KLRG1: variants seen among roughly 807,000 people sequenced by gnomAD.
KLRG1 encodes the protein killer cell lectin like receptor G1, also known as killer cell lectin-like receptor subfamily G member 1.
Under a neutral mutation model 21.8 loss-of-function variants are expected in KLRG1, and 16 were observed. That is an observed-to-expected ratio of 0.73 (90% confidence interval 0.50 to 1.11). The LOEUF is 1.11. Among genes scored for constraint, KLRG1 ranks in the 50% most tolerant of loss-of-function variants. The pLI is 0.00. For missense variants in KLRG1, 173 were observed against 218.3 expected, an observed-to-expected ratio of 0.79 and a Z score of 1.31; for synonymous variants, 69 against 75.9, an observed-to-expected ratio of 0.91 and a Z score of 0.47.
At chr12:9,184,423 C>T in the KLRG1 span, among the ~76,000 whole-genome samples, 57 of 152,362 alleles carry the variant, frequency 3.7e-4, no homozygotes, top group East Asian at 7.9e-3. Context: ...CTAACACCAC[C>T]GTCAGTGCAA....
Position 8,992,194 on chromosome 12 carries a change from C to A in KLRG1, c.83-12C>A. 1 of 1,601,006 alleles carries A rather than the reference C, an allele frequency of 6.2e-7. No individual in the cohort carries two copies. The highest frequency in any genetic ancestry group is 8.5e-7 in the Non-Finnish European group (1 of 1,173,818). On this transcript the variant is annotated splice_polypyrimidine_tract_variant and intron_variant, in intron 1 of 4. Transcript: ENST00000356986. ...TCTGACTCAGGATTGTGCTTTGACT[C>A]TGTTGTTGCAGCTTCCTCTTCCAGG...
At chr12:9,208,537 A>C in the KLRG1 span, among the ~76,000 whole-genome samples, 1 of 152,108 alleles carries the variant, frequency 6.6e-6, no homozygotes, top group Non-Finnish European at 1.5e-5. Flanking sequence ...ATTTTTCTCA[A>C]GGCTAAATTC....
intron 1 of KLRG1, among the ~76,000 whole-genome samples, chr12:8,970,827 AT>A (rs1357603398): frequency 1.3e-5 from 2 of 151,776 alleles, no homozygotes; most frequent in African/African-American, 4.8e-5. Flanking sequence ...TGGGTGTTGA[AT>A]TTTTTTTCAT....
the KLRG1 span, among the ~76,000 whole-genome samples, chr12:9,103,417 AACAC>A: frequency 6.6e-6 from 1 of 151,276 alleles, no homozygotes; most frequent in East Asian, 1.9e-4. Context: ...AGTTATTATA[AACAC>A]ACACACACAC....
chr12:9,152,759 T>C, the KLRG1 span: 1 of 1,534,610 alleles, frequency 6.5e-7, no homozygotes, highest in Non-Finnish European at 8.9e-7. Context: ...AAATGGACTA[T>C]TAATTTCTGT....
At chr12:9,131,635 A>T in the KLRG1 span, among the ~76,000 whole-genome samples, 1 of 152,218 alleles carries the variant, frequency 6.6e-6, no homozygotes, top group Admixed American at 6.5e-5. Context: ...CCCAGTGCCT[A>T]GAACAGTACC....
the KLRG1 span, among the ~76,000 whole-genome samples, chr12:9,045,504 A>G: frequency 0.087 from 13,311 of 152,232 alleles, 955 homozygotes; most frequent in African/African-American, 0.2. Context: ...AAGGCAAAAA[A>G]CACATTTTGA....
At chr12:9,077,338 G>T in the KLRG1 span, 1 of 1,610,896 alleles carries the variant, frequency 6.2e-7, no homozygotes, top group East Asian at 2.2e-5. Context: ...GAATGGGGTG[G>T]TACCTACAGT....
chr12:9,024,018 A>ATTTTT, the KLRG1 span, among the ~76,000 whole-genome samples: 18 of 70,944 alleles, frequency 2.5e-4, 3 homozygotes, highest in African/African-American at 7.7e-4. Flanking sequence ...GAACACATGG[A>ATTTTT]TTTTTTTTTT....
chr12:9,005,837 C>T (rs1178832482), intron 3 of KLRG1, among the ~76,000 whole-genome samples: 3 of 152,126 alleles, frequency 2.0e-5, no homozygotes, highest in Non-Finnish European at 4.4e-5. Flanking sequence ...GTGCAGTTCA[C>T]GATAGTGTTT....
chr12:8,995,953 A>G lies in KLRG1; in HGVS notation c.357+665A>G, dbSNP rs757620505. ...CGCCTCGGCCTCCCAAAGTGCTGGG[A>G]TTACAGGCATGAGCCACCGTGCCAG... On this transcript the variant is annotated intron_variant, in intron 3 of 4. Transcript: ENST00000356986. 1.4e-4 allele frequency among the ~76,000 whole-genome samples: 21 copies of G among 152,268 alleles called. No homozygotes were observed. In the South Asian group the frequency reaches 4.2e-3, roughly 30 times the overall value.
chr12:8,970,274 A>G (rs942237413), intron 1 of KLRG1, among the ~76,000 whole-genome samples: 3 of 152,236 alleles, frequency 2.0e-5, no homozygotes, highest in African/African-American at 7.2e-5. Flanking sequence ...CTTTTGTACT[A>G]TAGTGGCAGA....
the KLRG1 span, among the ~76,000 whole-genome samples, chr12:9,124,634 T>C: frequency 1.3e-5 from 2 of 152,194 alleles, no homozygotes; most frequent in African/African-American, 4.8e-5. Flanking sequence ...GGTCCAGGCA[T>C]CTCTGCAGCC....
intron 1 of KLRG1, among the ~76,000 whole-genome samples, chr12:8,978,512 A>G (rs943151829): frequency 2.0e-5 from 3 of 152,018 alleles, no homozygotes; most frequent in Non-Finnish European, 4.4e-5. Flanking sequence ...TTCTAGGTAT[A>G]TCTTGGTTGG....
the KLRG1 span, chr12:9,182,184 A>ATAAG: frequency 6.7e-7 from 1 of 1,489,072 alleles, no homozygotes; most frequent in East Asian, 2.4e-5. Context: ...AAATAGTGTC[A>ATAAG]TAAGGACACT....
At chr12:9,168,940 ATTTTTGAG>A in the KLRG1 span, 1 of 1,614,014 alleles carries the variant, frequency 6.2e-7, no homozygotes, top group Non-Finnish European at 8.5e-7. Context: ...TGGTTTTCGG[ATTTTTGAG>A]TTAGTGAACA....
At chr12:9,074,504 C>T in the KLRG1 span, 4 of 1,489,282 alleles carry the variant, frequency 2.7e-6, no homozygotes, top group Non-Finnish European at 2.7e-6. Flanking sequence ...GTTTCTTTTT[C>T]ATTCAAATCT....
the KLRG1 span, chr12:9,109,446 A>G: frequency 3.4e-6 from 5 of 1,489,894 alleles, no homozygotes; most frequent in Admixed American, 1.7e-5. Flanking sequence ...TTGGTTTTCA[A>G]CTTTGGGGGA....
At chr12:9,098,440 A>G in the KLRG1 span, 3 of 421,862 alleles carry the variant, frequency 7.1e-6, no homozygotes, top group Admixed American at 4.0e-5. Flanking sequence ...TTATATATAT[A>G]TATATATATA....
Sources: gnomAD v4.1 joint callset for allele counts (sites outside exome capture counted in the v4.1 genomes callset) on GRCh38, gnomAD v4.1.1 for gene constraint, MANE v1.5 for transcripts, NCBI Gene and HGNC (gene_info 2026-07-23, HGNC 2026-07-21) for gene names.